Variants in SUGCT observed in about 807,000 individuals in gnomAD.
SUGCT encodes succinyl-CoA:glutarate CoA-transferase.
A neutral mutation model predicts 55.0 loss-of-function variants in SUGCT; 41 were observed. That is an observed-to-expected ratio of 0.74 (90% CI 0.58 to 0.97). The LOEUF (loss-of-function observed/expected upper bound fraction) is 0.97, where lower values mean the gene tolerates loss of function less well. SUGCT is among the 50% of genes least tolerant of loss of function. The pLI is 0.00. For synonymous variants in SUGCT, 187 were observed against 200.4 expected (o/e 0.93, Z 0.56); for missense variants, 568 against 547.8 (o/e 1.04, Z -0.37).
the SUGCT span, among the ~76,000 whole-genome samples, chr7:40,955,671 T>C: frequency 2.0e-5 from 3 of 152,216 alleles, no homozygotes; most frequent in African/African-American, 7.2e-5. Flanking sequence ...AAATACTATG[T>C]TGAATAGGAG....
the SUGCT span, among the ~76,000 whole-genome samples, chr7:40,992,773 T>A: frequency 6.6e-6 from 1 of 152,198 alleles, no homozygotes; most frequent in Non-Finnish European, 1.5e-5. Flanking sequence ...CTAGGTGAGT[T>A]ATTTTCTCTT....
At chr7:40,818,117 C>T (rs1265876980) in intron 13 of SUGCT, among the ~76,000 whole-genome samples, 1 of 152,194 alleles carries the variant, frequency 6.6e-6, no homozygotes, top group Non-Finnish European at 1.5e-5. Flanking sequence ...GACTGCAGTT[C>T]AGAAACTAGG....
rs569548794 is a variant in SUGCT at position 40,787,780 on chromosome 7, C to T, written c.1153+38283C>T. On this transcript the variant is annotated intron_variant, in intron 13 of 13. Transcript: ENST00000335693. The stretch of plus-strand genomic sequence containing the variant: ...TTAGACAGTAACCTCCCTACTTCAG[C>T]GAAACACCACAGGAAAAAACGGCAG... Among the ~76,000 whole-genome samples, 490 of 151,660 alleles carry T rather than the reference C, an allele frequency of 3.2e-3. 3 individuals are homozygous for T. The highest frequency in any genetic ancestry group is 5.7e-3 in the Non-Finnish European group (387 of 67,942).
intron 12 of SUGCT, among the ~76,000 whole-genome samples, chr7:40,503,389 A>G (rs1444013073): frequency 6.6e-6 from 1 of 152,190 alleles, no homozygotes; most frequent in Non-Finnish European, 1.5e-5. Flanking sequence ...AATAGCAAAT[A>G]TTTTGTATGT....
intron 12 of SUGCT, among the ~76,000 whole-genome samples, chr7:40,654,744 A>C (rs955859404): frequency 5.5e-4 from 83 of 152,106 alleles, no homozygotes; most frequent in Non-Finnish European, 2.2e-4. Flanking sequence ...GCCTTGTTCC[A>C]CCACTTTGGG....
intron 7 of SUGCT, among the ~76,000 whole-genome samples, chr7:40,261,525 C>A (rs1225398106): frequency 6.6e-6 from 1 of 152,108 alleles, no homozygotes; most frequent in Admixed American, 6.5e-5. Flanking sequence ...TAGACAAACA[C>A]GGAGGAAACA....
At chr7:40,148,370 C>T (rs753406620) in intron 1 of SUGCT, among the ~76,000 whole-genome samples, 7 of 152,172 alleles carry the variant, frequency 4.6e-5, no homozygotes, top group East Asian at 1.9e-4. Context: ...CCTGGCCGGG[C>T]GCGGTGGCTC....
intron 12 of SUGCT, among the ~76,000 whole-genome samples, chr7:40,723,040 A>G (rs898737714): frequency 1.4e-4 from 21 of 152,122 alleles, no homozygotes; most frequent in Admixed American, 2.0e-4. Flanking sequence ...TTTCATGAAC[A>G]TTTTTTACAG....
the SUGCT span, among the ~76,000 whole-genome samples, chr7:41,035,022 TG>T: frequency 6.6e-6 from 1 of 152,196 alleles, no homozygotes; most frequent in Non-Finnish European, 1.5e-5. Flanking sequence ...ACTTGGGCAC[TG>T]GGGCACTGAT....
intron 12 of SUGCT, among the ~76,000 whole-genome samples, chr7:40,580,119 G>A (rs553225284): frequency 1.8e-4 from 27 of 152,174 alleles, no homozygotes; most frequent in African/African-American, 6.0e-4. Context: ...CTTTGTTTTT[G>A]CAATGCAAAA....
intron 12 of SUGCT, among the ~76,000 whole-genome samples, chr7:40,568,350 C>A (rs1219990467): frequency 6.6e-6 from 1 of 152,118 alleles, no homozygotes; most frequent in Admixed American, 6.5e-5. Flanking sequence ...CACACACACA[C>A]CCCTCAAGAA....
At chr7:40,856,142 G>C (rs1037315742) in intron 13 of SUGCT, among the ~76,000 whole-genome samples, 4 of 152,076 alleles carry the variant, frequency 2.6e-5, no homozygotes, top group Admixed American at 2.0e-4. Context: ...AATATTTTAG[G>C]CTTCAGCTTT....
intron 12 of SUGCT, among the ~76,000 whole-genome samples, chr7:40,497,092 A>G (rs755268692): frequency 3.3e-5 from 5 of 152,198 alleles, no homozygotes; most frequent in Non-Finnish European, 7.4e-5. Flanking sequence ...GCAATTTACC[A>G]TTTCTCAAAT....
At chr7:40,905,858 C>G in the SUGCT span, among the ~76,000 whole-genome samples, 1 of 151,904 alleles carries the variant, frequency 6.6e-6, no homozygotes, top group Admixed American at 6.6e-5. Flanking sequence ...AGTTGGGACC[C>G]CAGGCACATG....
At chr7:40,190,311 A>T (rs1344800425) in intron 5 of SUGCT, among the ~76,000 whole-genome samples, 1 of 152,092 alleles carries the variant, frequency 6.6e-6, no homozygotes, top group African/African-American at 2.4e-5. Flanking sequence ...GGGCAGTGGC[A>T]TGATCTCAGC....
At chr7:40,205,640 C>CAAAA (rs67396482) in intron 6 of SUGCT, among the ~76,000 whole-genome samples, 131 of 77,360 alleles carry the variant, frequency 1.7e-3, no homozygotes, top group Admixed American at 2.6e-3. Context: ...AACTTCATCT[C>CAAAA]AAAAAAAAAA....
intron 13 of SUGCT, among the ~76,000 whole-genome samples, chr7:40,824,675 T>C (rs560951962): frequency 5.3e-5 from 8 of 152,186 alleles, no homozygotes; most frequent in South Asian, 2.1e-4. Flanking sequence ...CAGAGTTTTA[T>C]TGGTTTGTAG....
At chr7:40,529,763 G>A (rs1262286954) in intron 12 of SUGCT, among the ~76,000 whole-genome samples, 1 of 152,132 alleles carries the variant, frequency 6.6e-6, no homozygotes, top group South Asian at 2.1e-4. Context: ...TTAGGTTGGT[G>A]CAAAAGGAAT....
the SUGCT span, among the ~76,000 whole-genome samples, chr7:40,896,601 C>T: frequency 6.6e-6 from 1 of 152,162 alleles, no homozygotes; most frequent in South Asian, 2.1e-4. Flanking sequence ...TTGCTCGGCA[C>T]TTCTCCTTGT....
Sources: gnomAD v4.1 joint callset for allele counts (sites outside exome capture counted in the v4.1 genomes callset) on GRCh38, gnomAD v4.1.1 for gene constraint, MANE v1.5 for transcripts, NCBI Gene and HGNC (gene_info 2026-07-23, HGNC 2026-07-21) for gene names.